Variants in RBFOX1 observed in about 807,000 individuals in gnomAD.
RBFOX1 encodes RNA binding fox-1 homolog 1.
A neutral mutation model predicts 57.7 loss-of-function variants in RBFOX1; 8 were observed. The ratio of observed to expected loss-of-function variants is 0.14; its 90% CI spans 0.08 to 0.25. The LOEUF is 0.25. Among genes scored for constraint, RBFOX1 ranks in the 10% least tolerant of loss-of-function variants. The probability of loss-of-function intolerance (pLI) is 1.00; values close to 1 mark genes in which losing one functional copy is unlikely to be tolerated. For synonymous variants in RBFOX1, 326 were observed against 222.4 expected (o/e 1.47, Z -4.15); for missense variants, 611 against 548.5 (o/e 1.11, Z -1.14).
intron 4 of RBFOX1, among the ~76,000 whole-genome samples, chr16:5,964,102 T>C (rs2059801119): frequency 6.6e-6 from 1 of 151,972 alleles, no homozygotes; most frequent in Admixed American, 6.6e-5. Context: ...AAGACTCAAA[T>C]AGATATTTTT....
intron 11 of RBFOX1, among the ~76,000 whole-genome samples, chr16:7,632,398 T>G (rs1458718485): frequency 6.6e-6 from 1 of 152,194 alleles, no homozygotes; most frequent in Non-Finnish European, 1.5e-5. Context: ...AATTGTAATG[T>G]TACTACACAT....
At chr16:5,772,185 C>T (rs1381710043) in intron 3 of RBFOX1, among the ~76,000 whole-genome samples, 1 of 152,074 alleles carries the variant, frequency 6.6e-6, no homozygotes, top group Admixed American at 6.6e-5. Flanking sequence ...AAATAAAAAA[C>T]AGAGGCTAGT....
intron 4 of RBFOX1, among the ~76,000 whole-genome samples, chr16:7,362,950 A>G (rs1465629924): frequency 6.6e-6 from 1 of 152,154 alleles, no homozygotes; most frequent in Non-Finnish European, 1.5e-5. Context: ...TGGACAAGTC[A>G]CTTAGCCTCT....
intron 3 of RBFOX1, among the ~76,000 whole-genome samples, chr16:6,740,511 C>G (rs1568419839): frequency 6.6e-6 from 1 of 152,218 alleles, no homozygotes; most frequent in Non-Finnish European, 1.5e-5. Context: ...AACCCACACA[C>G]ATTTTGTGGA....
chr16:7,422,836 T>A (rs1188044947), intron 4 of RBFOX1: 2 of 152,168 alleles, frequency 1.3e-5, no homozygotes, highest in Non-Finnish European at 2.9e-5. Context: ...CCCATCCCCT[T>A]TGCCTTATTT....
intron 4 of RBFOX1, among the ~76,000 whole-genome samples, chr16:7,389,836 G>A (rs2097960926): frequency 6.6e-6 from 1 of 152,024 alleles, no homozygotes; most frequent in South Asian, 2.1e-4. Context: ...CAATCTTTAT[G>A]GCACCCTGCA....
chr16:6,027,461 T>G (rs978941548), intron 1 of RBFOX1, among the ~76,000 whole-genome samples: 3 of 152,206 alleles, frequency 2.0e-5, no homozygotes, highest in Non-Finnish European at 2.9e-5. Flanking sequence ...TGTGTCTGGC[T>G]TGAGATCCCA....
At chr16:7,067,976 C>G in intron 4 of RBFOX1, among the ~76,000 whole-genome samples, 1 of 110,610 alleles carries the variant, frequency 9.0e-6, no homozygotes, top group East Asian at 2.8e-4. Context: ...TTTTGTAATT[C>G]ATGGCTCCTT....
chr16:6,926,720 C>G (rs527795735), intron 3 of RBFOX1, among the ~76,000 whole-genome samples: 1 of 152,256 alleles, frequency 6.6e-6, no homozygotes, highest in East Asian at 1.9e-4. Context: ...TTAATTCGTT[C>G]AAGAACTGGT....
intron 4 of RBFOX1, among the ~76,000 whole-genome samples, chr16:5,907,183 C>T (rs931630068): frequency 6.6e-6 from 1 of 152,152 alleles, no homozygotes; most frequent in East Asian, 1.9e-4. Flanking sequence ...GCTGTGGCTT[C>T]AGGGCAACGT....
chr16:7,201,835 T>C (rs2346607), intron 4 of RBFOX1, among the ~76,000 whole-genome samples: 25,366 of 152,120 alleles, frequency 0.17, 3,067 homozygotes, highest in East Asian at 0.56. Context: ...GTTAGGAAGC[T>C]CATTTGGGCA....
intron 4 of RBFOX1, among the ~76,000 whole-genome samples, chr16:7,477,952 A>G (rs1176803976): frequency 1.3e-5 from 2 of 152,184 alleles, no homozygotes. Context: ...GCACTCCCAC[A>G]CATAATTGAG....
At chr16:6,741,471 C>G (rs1451264509) in intron 3 of RBFOX1, among the ~76,000 whole-genome samples, 8 of 152,130 alleles carry the variant, frequency 5.3e-5, no homozygotes. Context: ...CGAGACCAGC[C>G]TGGCTAACAT....
At chr16:7,482,053 C>G (rs1452044751) in intron 4 of RBFOX1, among the ~76,000 whole-genome samples, 1 of 152,190 alleles carries the variant, frequency 6.6e-6, no homozygotes, top group Admixed American at 6.5e-5. Flanking sequence ...GTATTGCCTA[C>G]AAATCAAGCC....
intron 3 of RBFOX1, among the ~76,000 whole-genome samples, chr16:6,821,620 T>C (rs924462185): frequency 3.3e-5 from 5 of 152,228 alleles, no homozygotes; most frequent in African/African-American, 9.6e-5. Flanking sequence ...GTTTATGATA[T>C]CTTACATAAA....
chr16:5,856,151 TTCTC>T (rs35841072), intron 3 of RBFOX1, among the ~76,000 whole-genome samples: 802 of 40,378 alleles, frequency 0.02, 29 homozygotes, highest in East Asian at 0.089. Flanking sequence ...GTCTTTATGG[TTCTC>T]TCTCTCTCTC....
At chr16:7,246,609 A>G (rs1246772596) in intron 4 of RBFOX1, among the ~76,000 whole-genome samples, 5 of 100,064 alleles carry the variant, frequency 5.0e-5, no homozygotes, top group Non-Finnish European at 1.1e-4. Context: ...ACATCTATTT[A>G]TTGTCAGACT....
intron 3 of RBFOX1, among the ~76,000 whole-genome samples, chr16:6,874,900 A>G (rs938536775): frequency 6.6e-6 from 1 of 152,174 alleles, no homozygotes; most frequent in African/African-American, 2.4e-5. Flanking sequence ...TTCCCACAAA[A>G]CTATTGAAAT....
chr16:6,809,998 C>G (rs1383248830), intron 3 of RBFOX1, among the ~76,000 whole-genome samples: 1 of 150,086 alleles, frequency 6.7e-6, no homozygotes, highest in Non-Finnish European at 1.5e-5. Flanking sequence ...TCCTGGGTGT[C>G]TCTCTGAAAA....
Sources: allele counts gnomAD v4.1 joint callset (sites outside exome capture counted in the v4.1 genomes callset), GRCh38; gene constraint gnomAD v4.1.1; transcripts MANE v1.5; gene names NCBI Gene and HGNC (gene_info 2026-07-23, HGNC 2026-07-21).